The following CDS2 variants were observed in gnomAD, a reference collection of about 807,000 sequenced individuals.
The protein encoded by CDS2 is CDP-diacylglycerol synthase 2, also known as phosphatidate cytidylyltransferase 2.
CDS2 carries 47 observed loss-of-function variants against 59.0 expected under a neutral mutation model. The ratio of observed to expected loss-of-function variants is 0.80; its 90% CI spans 0.63 to 1.02. The LOEUF is 1.02. Among genes scored for constraint, CDS2 ranks in the 50% least tolerant of loss-of-function variants. The probability of loss-of-function intolerance (pLI) is 0.00; values close to 1 mark genes in which losing one functional copy is unlikely to be tolerated. For missense variants in CDS2, 356 were observed against 558.9 expected (o/e 0.64, Z 3.66); for synonymous variants, 207 against 206.4 (o/e 1.00, Z -0.02).
chr20:5,158,664 A>G (rs1011788655), intron 1 of CDS2, among the ~76,000 whole-genome samples: 1 of 152,246 alleles, frequency 6.6e-6, no homozygotes, highest in African/African-American at 2.4e-5. Context: ...ATGTACAAAC[A>G]GAGCCACCAC....
At chr20:5,171,446 A>G (rs1193625058) in intron 1 of CDS2, among the ~76,000 whole-genome samples, 1 of 152,226 alleles carries the variant, frequency 6.6e-6, no homozygotes, top group Non-Finnish European at 1.5e-5. Flanking sequence ...TCCAGGTGCT[A>G]GCATTTTGAA....
intron 1 of CDS2, among the ~76,000 whole-genome samples, chr20:5,171,291 G>A (rs1338978782): frequency 6.6e-6 from 1 of 152,238 alleles, no homozygotes; most frequent in African/African-American, 2.4e-5. Flanking sequence ...GCCTTTGTGA[G>A]TCTCCTTGAC....
chr20:5,178,788 C>T, intron 4 of CDS2, 29 bp from the exon 5 acceptor site: 1 of 1,613,584 alleles, frequency 6.2e-7, no homozygotes, highest in Non-Finnish European at 8.5e-7. Flanking sequence ...AGGGTGCTCC[C>T]CACGGCAATG....
intron 1 of CDS2, among the ~76,000 whole-genome samples, chr20:5,147,570 C>T (rs1465160117): frequency 6.6e-6 from 1 of 152,036 alleles, no homozygotes; most frequent in African/African-American, 2.4e-5. Flanking sequence ...TGTCCAGGCC[C>T]ACTTCTTTCT....
chr20:5,164,628 GAA>G (rs11481738), intron 1 of CDS2, among the ~76,000 whole-genome samples: 55 of 142,812 alleles, frequency 3.9e-4, no homozygotes, highest in African/African-American at 1.4e-3. Context: ...TTAATAAACT[GAA>G]AAAAAAAAAA....
chr20:5,181,195 T>G (rs976044661), intron 5 of CDS2, among the ~76,000 whole-genome samples: 5 of 152,164 alleles, frequency 3.3e-5, no homozygotes, highest in Non-Finnish European at 7.3e-5. Context: ...GAATACTGAT[T>G]CAGATTTTTA....
intron 1 of CDS2, among the ~76,000 whole-genome samples, chr20:5,134,727 G>T (rs1221120450): frequency 6.6e-6 from 1 of 151,962 alleles, no homozygotes; most frequent in Non-Finnish European, 1.5e-5. Flanking sequence ...CACCATGTTG[G>T]CCAGGCTGGT....
chr20:5,128,067 C>T (rs1264835260), intron 1 of CDS2: 1 of 152,188 alleles, frequency 6.6e-6, no homozygotes, highest in Non-Finnish European at 1.5e-5. Flanking sequence ...CATGAGTGAC[C>T]TGTAGATGTT....
intron 8 of CDS2, 56 bp downstream of exon 8, chr20:5,185,001 A>G (rs55695350): frequency 1.0e-4 from 127 of 1,213,322 alleles, no homozygotes; most frequent in Admixed American, 3.7e-4. Context: ...GGTGCTCTCA[A>G]TGTGAGTAGA....
At chr20:5,159,320 T>TC (rs55834848) in intron 1 of CDS2, among the ~76,000 whole-genome samples, 55,379 of 102,800 alleles carry the variant, frequency 0.54, 14,969 homozygotes, top group African/African-American at 0.68. Context: ...ATGCTTTCCC[T>TC]CCCCCTCCCC....
intron 10 of CDS2, among the ~76,000 whole-genome samples, chr20:5,188,847 G>C (rs1019133171): frequency 1.3e-4 from 20 of 152,064 alleles, no homozygotes; most frequent in Admixed American, 1.3e-3. Flanking sequence ...CATTCCCTCG[G>C]GATGCCAGTG....
rs2091167079 is a variant in CDS2, at chr20:5,197,460, C to T, written c.*7226C>T. 1.3e-5 allele frequency: 2 copies of T among 152,190 alleles called. No individual in the cohort carries two copies. Among genetic ancestry groups the T allele is most frequent in the East Asian group, 1.9e-4 (1 of 5,192 alleles). 9.4% of individuals were successfully genotyped at this position (152,190 alleles called of 1,614,324 possible). A position where few individuals can be genotyped will look rare whatever the true frequency, so the allele number is the denominator to read the frequency against. ...CGTGTCTGCCCTGGCTCTGTCTCCTCTGTGACAGGGCAGAGCATTTCTGGT... is the reference window on the plus strand; with the variant it reads ...CGTGTCTGCCCTGGCTCTGTCTCCTTTGTGACAGGGCAGAGCATTTCTGGT... On this transcript the variant is annotated 3_prime_UTR_variant, in exon 13 of 13. Coordinates refer to ENST00000460006, the MANE Select transcript of CDS2 (RefSeq NM_003818.4).
At chr20:5,156,234 A>G (rs1555781764) in intron 1 of CDS2, among the ~76,000 whole-genome samples, 1 of 152,080 alleles carries the variant, frequency 6.6e-6, no homozygotes, top group Non-Finnish European at 1.5e-5. Context: ...ATAGTGTGAG[A>G]ACTGAGGAGG....
chr20:5,136,639 C>T (rs1342804563), intron 1 of CDS2, among the ~76,000 whole-genome samples: 2 of 152,122 alleles, frequency 1.3e-5, no homozygotes, highest in African/African-American at 2.4e-5. Context: ...TGCTCTAGGT[C>T]CCTCCTAATC....
chr20:5,166,032 G>A (rs932328326), intron 1 of CDS2, among the ~76,000 whole-genome samples: 1 of 152,148 alleles, frequency 6.6e-6, no homozygotes, highest in African/African-American at 2.4e-5. Flanking sequence ...CTGTGGAAGG[G>A]GTTCAGGATG....
At chr20:5,187,011 T>A (rs1034862978) in intron 10 of CDS2, 172 bp downstream of exon 10, 45 of 458,180 alleles carry the variant, frequency 9.8e-5, no homozygotes, top group African/African-American at 8.2e-4. Flanking sequence ...AGGACAGCTT[T>A]CCCCCAACAT....
chr20:5,189,892 T>A, intron 12 of CDS2, 54 bp downstream of exon 12: 1 of 1,466,592 alleles, frequency 6.8e-7, no homozygotes, highest in Non-Finnish European at 9.5e-7. Flanking sequence ...TACGGTGCAA[T>A]TCTAGAATTT....
chr20:5,176,582 C>A (rs2090996894), intron 3 of CDS2, 66 bp from the exon 4 acceptor site: 5 of 1,230,578 alleles, frequency 4.1e-6, no homozygotes, highest in South Asian at 3.6e-5. Flanking sequence ...AGGCTCATGA[C>A]CTGTTGGTTT....
In CDS2 at chr20:5,178,517, A is replaced by G. The variant is rs919928540; in HGVS notation, c.390-300A>G. 1.6e-4 allele frequency among the ~76,000 whole-genome samples: 25 copies of G among 152,312 alleles called. No individual in the cohort carries two copies. In the South Asian group the frequency reaches 3.1e-3, roughly 19 times the overall value. On this transcript the variant is annotated intron_variant, in intron 4 of 12. Coordinates refer to ENST00000460006, the MANE Select transcript of CDS2 (RefSeq NM_003818.4). ...GATGAGGCGTGTTTTTGAAGGTCAT[A>G]TGGTTCAAGGATCCCTCAGTTAGGT...
Sources: allele counts gnomAD v4.1 joint callset (sites outside exome capture counted in the v4.1 genomes callset), GRCh38; gene constraint gnomAD v4.1.1; transcripts MANE v1.5; gene names NCBI Gene and HGNC (gene_info 2026-07-23, HGNC 2026-07-21).